The following OR7C1 variants were observed in gnomAD, a reference collection of about 807,000 sequenced individuals.
OR7C1 encodes the protein olfactory receptor family 7 subfamily C member 1.
For missense variants in OR7C1, 324 were observed against 383.3 expected (o/e 0.85, Z 1.29); for synonymous variants, 152 against 160.7 (o/e 0.95, Z 0.41).
intron 1 of OR7C1, among the ~76,000 whole-genome samples, chr19:14,810,573 G>T (rs2044686579): frequency 1.4e-5 from 2 of 147,898 alleles, no homozygotes; most frequent in Non-Finnish European, 3.0e-5. Flanking sequence ...TTATAGTGGA[G>T]ATAGCGTTTC....
chr19:14,820,178 C>T (rs1437066687), intron 1 of OR7C1, among the ~76,000 whole-genome samples: 1 of 152,160 alleles, frequency 6.6e-6, no homozygotes, highest in Non-Finnish European at 1.5e-5. Context: ...TCCCAAAGTG[C>T]TGGGATTACA....
chr19:14,822,252 AT>A lies in OR7C1; in HGVS notation c.-622-12260del, dbSNP rs2065143974. ...GGGATTATACACATATGGTAGTTCT[AT>A]TTTTAGTTTTTTGGAGAACCCCCAA... On this transcript the variant is annotated intron_variant, in intron 1 of 4. Coordinates refer to ENST00000641666, the Ensembl canonical transcript of OR7C1. 2.7e-5 allele frequency among the ~76,000 whole-genome samples: 4 copies of A among 150,840 alleles called. No homozygotes were observed. In the Admixed American group the frequency reaches 2.7e-4, roughly 10 times the overall value.
intron 1 of OR7C1, chr19:14,827,657 A>T: frequency 6.2e-7 from 1 of 1,614,238 alleles, no homozygotes; most frequent in East Asian, 2.2e-5. Flanking sequence ...TCACCATGTG[A>T]TTAAGAAAGC....
intron 1 of OR7C1, among the ~76,000 whole-genome samples, chr19:14,834,657 A>T (rs1326478519): frequency 6.7e-6 from 1 of 149,122 alleles, no homozygotes; most frequent in Non-Finnish European, 1.5e-5. Flanking sequence ...TCTCACGGGC[A>T]TAGAATCAAA....
chr19:14,814,466 C>T (rs1006932930), intron 1 of OR7C1, among the ~76,000 whole-genome samples: 1 of 151,962 alleles, frequency 6.6e-6, no homozygotes, highest in African/African-American at 2.4e-5. Flanking sequence ...TCTTGTTGCC[C>T]AGGCTGGAGT....
intron 1 of OR7C1, chr19:14,827,333 T>C (rs1161946069): frequency 6.3e-6 from 10 of 1,584,846 alleles, no homozygotes; most frequent in Non-Finnish European, 8.6e-6. Flanking sequence ...ACAACAAATG[T>C]ATTCCCAGAG....
At chr19:14,804,991 C>A (rs1320477529) in intron 2 of OR7C1, among the ~76,000 whole-genome samples, 1 of 151,728 alleles carries the variant, frequency 6.6e-6, no homozygotes, top group African/African-American at 2.4e-5. Context: ...CACATGTCAG[C>A]CTCCAAAGTA....
intron 1 of OR7C1, among the ~76,000 whole-genome samples, chr19:14,819,632 G>A (rs1230502501): frequency 1.3e-5 from 2 of 152,084 alleles, no homozygotes; most frequent in Non-Finnish European, 2.9e-5. Flanking sequence ...AAAAATAGTG[G>A]TTATCTTTTG....
At chr19:14,828,386 G>C in intron 1 of OR7C1, 1 of 915,700 alleles carries the variant, frequency 1.1e-6, no homozygotes. Flanking sequence ...TTCTCTTTAA[G>C]GGATCTCCAT....
At chr19:14,800,136 T>G in exon 5 of OR7C1, 1 of 1,562,170 alleles carries the variant, frequency 6.4e-7, no homozygotes. Flanking sequence ...CCTGTTTCCA[T>G]GGGGATAAAA....
intron 1 of OR7C1, chr19:14,827,918 A>T: frequency 6.2e-7 from 1 of 1,614,264 alleles, no homozygotes; most frequent in South Asian, 1.1e-5. Context: ...TTTCAAATCC[A>T]GCAAAGAGTA....
chr19:14,804,696 G>C (rs189095019), intron 2 of OR7C1, among the ~76,000 whole-genome samples: 6 of 151,916 alleles, frequency 3.9e-5, no homozygotes, highest in African/African-American at 1.5e-4. Flanking sequence ...ACTGGGGAGC[G>C]GGGGTAGGGG....
intron 1 of OR7C1, among the ~76,000 whole-genome samples, chr19:14,817,246 A>T (rs1260101425): frequency 6.6e-6 from 1 of 152,278 alleles, no homozygotes; most frequent in Middle Eastern, 3.4e-3. Context: ...TGCACAGGAC[A>T]TGATCTCATT....
At chr19:14,818,178 C>T (rs914716381) in intron 1 of OR7C1, among the ~76,000 whole-genome samples, 1 of 151,928 alleles carries the variant, frequency 6.6e-6, no homozygotes, top group East Asian at 1.9e-4. Flanking sequence ...CTGCAAGCTC[C>T]GCCTCCCAGG....
At chr19:14,817,067 TAACA>T (rs2044719594) in intron 1 of OR7C1, among the ~76,000 whole-genome samples, 1 of 152,060 alleles carries the variant, frequency 6.6e-6, no homozygotes, top group South Asian at 2.1e-4. Context: ...AAAAAATGTC[TAACA>T]AACCCACTAA....
chr19:14,808,943 T>A (rs2044678395), intron 2 of OR7C1, among the ~76,000 whole-genome samples: 1 of 151,906 alleles, frequency 6.6e-6, no homozygotes, highest in African/African-American at 2.4e-5. Context: ...TATGCCCCCC[T>A]TTTTTTACTT....
At chr19:14,818,206 C>T (rs1409222239) in intron 1 of OR7C1, among the ~76,000 whole-genome samples, 1 of 151,884 alleles carries the variant, frequency 6.6e-6, no homozygotes, top group Non-Finnish European at 1.5e-5. Context: ...CGTTCTCTTG[C>T]CTCAGCCTCC....
intron 1 of OR7C1, among the ~76,000 whole-genome samples, chr19:14,832,854 A>G (rs2044847221): frequency 6.6e-6 from 1 of 152,228 alleles, no homozygotes; most frequent in Non-Finnish European, 1.5e-5. Flanking sequence ...AAATTGTTGA[A>G]GTATTGAAAA....
At chr19:14,805,730 G>A (rs924424999) in intron 2 of OR7C1, among the ~76,000 whole-genome samples, 1 of 151,798 alleles carries the variant, frequency 6.6e-6, no homozygotes, top group African/African-American at 2.4e-5. Flanking sequence ...AATTATTTCT[G>A]TGTGACAAAA....
Sources: allele counts gnomAD v4.1 joint callset (sites outside exome capture counted in the v4.1 genomes callset), GRCh38; gene constraint gnomAD v4.1.1; transcripts MANE v1.5; gene names NCBI Gene and HGNC (gene_info 2026-07-23, HGNC 2026-07-21).